The following DAB1 variants were observed in gnomAD, a reference collection of about 807,000 sequenced individuals.
DAB1 encodes the protein disabled homolog 1.
In DAB1, 15 loss-of-function variants were observed where a neutral mutation model predicts 64.6. The ratio of observed to expected loss-of-function variants is 0.23; its 90% CI spans 0.16 to 0.36. The LOEUF (loss-of-function observed/expected upper bound fraction) is 0.36. DAB1 is among the 10% of genes least tolerant of loss of function. DAB1 has a pLI of 1.00. For missense variants in DAB1, 596 were observed against 706.7 expected, an observed-to-expected ratio of 0.84 and a Z score of 1.78; for synonymous variants, 235 against 251.9, an observed-to-expected ratio of 0.93 and a Z score of 0.64.
At chr1:57,683,154 A>T (rs1186026841) in intron 6 of DAB1, among the ~76,000 whole-genome samples, 1 of 151,898 alleles carries the variant, frequency 6.6e-6, no homozygotes, top group Non-Finnish European at 1.5e-5. Context: ...AGGAGCCCCT[A>T]CTCTTAGAAC....
chr1:57,524,809 A>G (rs1374886473), intron 7 of DAB1, among the ~76,000 whole-genome samples: 2 of 152,198 alleles, frequency 1.3e-5, no homozygotes, highest in Non-Finnish European at 2.9e-5. Flanking sequence ...GTATACGTGC[A>G]AGTCACAGGG....
intron 2 of DAB1, among the ~76,000 whole-genome samples, chr1:58,520,247 C>T (rs908962284): frequency 6.6e-6 from 1 of 151,754 alleles, no homozygotes; most frequent in African/African-American, 2.4e-5. Flanking sequence ...GGAACCTAAA[C>T]GTTGAAAAAA....
chr1:58,269,028 T>A (rs1661245508), intron 4 of DAB1, among the ~76,000 whole-genome samples: 2 of 151,808 alleles, frequency 1.3e-5, no homozygotes, highest in South Asian at 4.2e-4. Context: ...TTTTTTTTTA[T>A]TATACTTTAA....
intron 2 of DAB1, among the ~76,000 whole-genome samples, chr1:57,234,063 G>C (rs780702244): frequency 2.0e-5 from 3 of 152,172 alleles, no homozygotes; most frequent in Non-Finnish European, 2.9e-5. Context: ...AAAGAATACT[G>C]TTCAATGTTG....
At chr1:57,245,597 C>A (rs538948873) in intron 2 of DAB1, among the ~76,000 whole-genome samples, 1 of 152,290 alleles carries the variant, frequency 6.6e-6, no homozygotes, top group East Asian at 1.9e-4. Context: ...CATGTCCCTG[C>A]AAAAGACATG....
chr1:57,447,194 G>A (rs190053334), intron 7 of DAB1, among the ~76,000 whole-genome samples: 27 of 152,116 alleles, frequency 1.8e-4, no homozygotes, highest in African/African-American at 5.6e-4. Context: ...TTACATACCC[G>A]CTCCTCAAAG....
At chr1:58,129,821 A>C (rs1653409325) in intron 5 of DAB1, among the ~76,000 whole-genome samples, 2 of 151,588 alleles carry the variant, frequency 1.3e-5, no homozygotes. Flanking sequence ...GGTCTGAGAG[A>C]TAGTTTGTTA....
At chr1:57,325,372 T>C (rs1676072651) in intron 1 of DAB1, among the ~76,000 whole-genome samples, 2 of 151,908 alleles carry the variant, frequency 1.3e-5, no homozygotes, top group South Asian at 2.1e-4. Context: ...AGGGTGGGGG[T>C]CAAAACTCAG....
At chr1:57,248,279 A>G (rs1399823250) in intron 2 of DAB1, among the ~76,000 whole-genome samples, 3 of 151,866 alleles carry the variant, frequency 2.0e-5, no homozygotes, top group Non-Finnish European at 4.4e-5. Flanking sequence ...AATACTTTCA[A>G]TCCATGGTTG....
chr1:58,064,023 C>T (rs1028679183), intron 5 of DAB1, among the ~76,000 whole-genome samples: 1 of 152,130 alleles, frequency 6.6e-6, no homozygotes, highest in Non-Finnish European at 1.5e-5. Context: ...AATAGACTTA[C>T]AATAAGCCAA....
rs563511859 is a variant in DAB1, at chr1:57,834,019, A to G, written n.88-7564T>C. Among the ~76,000 whole-genome samples, 11 of 152,330 alleles carry G rather than the reference A, an allele frequency of 7.2e-5. No individual in the cohort carries two copies. In the South Asian group the frequency reaches 2.3e-3, roughly 32 times the overall value. ...ATGCAAAAATGAAGCTTGTATTTGCATCCTATTAACCTATTTAAAATCTCA... is the reference window on the plus strand; with the variant it reads ...ATGCAAAAATGAAGCTTGTATTTGCGTCCTATTAACCTATTTAAAATCTCA... On this transcript the variant is annotated intron_variant and non_coding_transcript_variant, in intron 1 of 1. Coordinates refer to the DAB1 transcript ENST00000477280.
At chr1:58,469,377 G>A (rs1219827034) in intron 3 of DAB1, among the ~76,000 whole-genome samples, 1 of 151,738 alleles carries the variant, frequency 6.6e-6, no homozygotes, top group Non-Finnish European at 1.5e-5. Context: ...TAAGCATAGA[G>A]TCTGGCACCA....
chr1:57,840,456 A>T (rs1170800984), intron 1 of DAB1, among the ~76,000 whole-genome samples: 3 of 152,206 alleles, frequency 2.0e-5, no homozygotes, highest in Admixed American at 2.0e-4. Flanking sequence ...TATGTTGAAA[A>T]TATAATAAGT....
chr1:57,650,615 G>A (rs1646245214), intron 6 of DAB1, among the ~76,000 whole-genome samples: 1 of 152,110 alleles, frequency 6.6e-6, no homozygotes, highest in African/African-American at 2.4e-5. Context: ...AATAACAGTG[G>A]TCATCTTTGT....
chr1:57,820,960 T>C (rs1255471583), intron 6 of DAB1, among the ~76,000 whole-genome samples: 3 of 152,054 alleles, frequency 2.0e-5, no homozygotes, highest in African/African-American at 7.2e-5. Context: ...TCTGCTCGAG[T>C]TAAGTACTTT....
At chr1:57,744,813 T>C (rs1354967082) in intron 6 of DAB1, among the ~76,000 whole-genome samples, 1 of 152,164 alleles carries the variant, frequency 6.6e-6, no homozygotes, top group Non-Finnish European at 1.5e-5. Context: ...GCCGAGGACA[T>C]GGTTCCTGTC....
chr1:58,294,302 A>T (rs905228264), intron 4 of DAB1, among the ~76,000 whole-genome samples: 2 of 152,182 alleles, frequency 1.3e-5, no homozygotes, highest in African/African-American at 4.8e-5. Flanking sequence ...TATAAATCCT[A>T]TAGAAATTAA....
intron 4 of DAB1, among the ~76,000 whole-genome samples, chr1:58,246,723 G>C (rs1357639472): frequency 6.6e-6 from 1 of 152,178 alleles, no homozygotes; most frequent in African/African-American, 2.4e-5. Context: ...ATAGAAGGCT[G>C]TGTGTGATGC....
rs545572287 is a variant in DAB1, at chr1:57,695,494, A to G, written n.552-45829T>C. On this transcript the variant is annotated intron_variant and non_coding_transcript_variant, in intron 6 of 20. Coordinates refer to the DAB1 transcript ENST00000485760. ...TGTATAACTGGTATGACTGTAGAGT[A>G]TGGAACTAGAGGAAAGGTTTCAGCA... Among the ~76,000 whole-genome samples the G allele has an allele frequency of 2.0e-5, 3 of 152,340 alleles. No individual in the cohort carries two copies. The East Asian group carries it at 5.8e-4, about 29-fold the overall frequency.
Sources: allele counts gnomAD v4.1 joint callset (sites outside exome capture counted in the v4.1 genomes callset), GRCh38; gene constraint gnomAD v4.1.1; transcripts MANE v1.5; gene names NCBI Gene and HGNC (gene_info 2026-07-23, HGNC 2026-07-21).